Variants in MYZAP observed in about 807,000 individuals in gnomAD.
The protein encoded by MYZAP is myocardial zonula adherens protein.
Under a neutral mutation model 69.4 loss-of-function variants are expected in MYZAP, and 66 were observed. That is an observed-to-expected ratio of 0.95 (90% CI 0.78 to 1.17). The LOEUF (loss-of-function observed/expected upper bound fraction) is 1.17. Among genes scored for constraint, MYZAP ranks in the 50% most tolerant of loss-of-function variants. The pLI, the probability that MYZAP is intolerant of heterozygous loss-of-function variation, is 0.00. For missense variants in MYZAP, 611 were observed against 556.2 expected (o/e 1.10, Z -0.99); for synonymous variants, 256 against 205.9 (o/e 1.24, Z -2.09).
chr15:57,676,023 A>G (rs1325538716), intron 12 of MYZAP, among the ~76,000 whole-genome samples: 2 of 152,048 alleles, frequency 1.3e-5, no homozygotes, highest in African/African-American at 2.4e-5. Context: ...GGAAGTAGTG[A>G]CGAGCCGATC....
At chr15:57,613,848 C>A (rs978284683) in intron 2 of MYZAP, among the ~76,000 whole-genome samples, 22 of 152,192 alleles carry the variant, frequency 1.4e-4, no homozygotes, top group Non-Finnish European at 2.1e-4. Flanking sequence ...TGTATCTCAG[C>A]ATGTTTCTCT....
At chr15:57,627,338 G>A (rs910970989) in intron 5 of MYZAP, among the ~76,000 whole-genome samples, 2 of 131,898 alleles carry the variant, frequency 1.5e-5, no homozygotes, top group East Asian at 2.4e-4. Flanking sequence ...AGCTAAAACC[G>A]CTGAGAGAAA....
chr15:57,643,739 T>G (rs1567224583), intron 10 of MYZAP, among the ~76,000 whole-genome samples: 1 of 147,402 alleles, frequency 6.8e-6, no homozygotes, highest in Non-Finnish European at 1.5e-5. Context: ...GGTTTTTTTT[T>G]TGTTTTTTTT....
intron 11 of MYZAP, among the ~76,000 whole-genome samples, chr15:57,672,554 A>G (rs1290705251): frequency 6.6e-6 from 1 of 152,230 alleles, no homozygotes; most frequent in Non-Finnish European, 1.5e-5. Context: ...CTTTAGCTGA[A>G]TAATTGCAGT....
At chr15:57,646,680 G>A (rs1337408886) in intron 10 of MYZAP, 4 of 989,360 alleles carry the variant, frequency 4.0e-6, no homozygotes, top group South Asian at 9.3e-5. Context: ...GTATCCATGT[G>A]GTTTGGTTCT....
chr15:57,676,356 G>T (rs2039112123), intron 12 of MYZAP, among the ~76,000 whole-genome samples: 1 of 148,358 alleles, frequency 6.7e-6, no homozygotes, highest in African/African-American at 2.5e-5. Flanking sequence ...CTAGTAAAAA[G>T]GCATTTTTTA....
chr15:57,666,085 A>C (rs1210994851), intron 11 of MYZAP, among the ~76,000 whole-genome samples: 1 of 152,192 alleles, frequency 6.6e-6, no homozygotes, highest in Non-Finnish European at 1.5e-5. Flanking sequence ...GACAAATGTT[A>C]ATTCTTTCTT....
intron 11 of MYZAP, among the ~76,000 whole-genome samples, chr15:57,662,159 G>C (rs2038343459): frequency 6.6e-6 from 1 of 152,182 alleles, no homozygotes; most frequent in Non-Finnish European, 1.5e-5. Flanking sequence ...ATATGTTCCA[G>C]AGAAGAATAT....
intron 12 of MYZAP, among the ~76,000 whole-genome samples, chr15:57,683,763 A>G (rs934348718): frequency 6.6e-6 from 1 of 151,856 alleles, no homozygotes; most frequent in African/African-American, 2.4e-5. Flanking sequence ...GTCCTCACAT[A>G]GCAGAAGGGA....
In MYZAP at chr15:57,684,449, C is replaced by T. The variant is rs750060370; in HGVS notation, c.1352C>T (p.Thr451Ile). ...REIVMPSRNYTPYTRVLELTM... is the reference protein window; with the variant it reads ...REIVMPSRNYIPYTRVLELTM... ...ATTGTGATGCCTTCTAGGAACTACACCCCATACACAAGAGTCCTGGAGTTA... is the reference window on the plus strand; with the variant it reads ...ATTGTGATGCCTTCTAGGAACTACATCCCATACACAAGAGTCCTGGAGTTA... Residue 451 changes from threonine (T) to isoleucine (I), a missense_variant, in exon 13 of 13, where the codon ACC becomes ATC. Physicochemically the swap from Thr to Ile is moderately conservative, Grantham distance 89 (BLOSUM62 -1). Coordinates refer to ENST00000267853, the MANE Select transcript of MYZAP (RefSeq NM_001018100.5). The T allele has an allele frequency of 6.2e-7, 1 of 1,613,528 alleles. No individual in the cohort carries two copies. The highest frequency in any genetic ancestry group is 1.7e-5 in the Admixed American group (1 of 59,954).
chr15:57,632,853 G>A (rs1425950), intron 7 of MYZAP, among the ~76,000 whole-genome samples: 3,369 of 152,186 alleles, frequency 0.022, 141 homozygotes, highest in African/African-American at 0.077. Flanking sequence ...CTTGCCCGCA[G>A]CTGTGCCCTC....
rs139826379 is a variant in MYZAP at position 57,670,734 on chromosome 15, A to G, written c.1204-4234A>G. ...TCAATTTTTTAAAAATACCATTTTA[A>G]GTTATCCATTGGCATTTTTGCTGTG... On this transcript the variant is annotated intron_variant, in intron 11 of 12. Transcript: ENST00000267853. 5.5e-4 allele frequency among the ~76,000 whole-genome samples: 84 copies of G among 151,852 alleles called. 2 individuals carry two copies. In the East Asian group the frequency reaches 0.016, roughly 28 times the overall value.
At chr15:57,652,154 A>G (rs1342527107) in intron 10 of MYZAP, among the ~76,000 whole-genome samples, 1 of 152,160 alleles carries the variant, frequency 6.6e-6, no homozygotes, top group Non-Finnish European at 1.5e-5. Context: ...AAGATGAAAA[A>G]TGTACCTTTT....
intron 3 of MYZAP, among the ~76,000 whole-genome samples, chr15:57,620,277 A>G (rs1389766453): frequency 6.6e-6 from 1 of 152,168 alleles, no homozygotes; most frequent in Non-Finnish European, 1.5e-5. Context: ...AACCCCTAAT[A>G]AACATGCTGT....
intron 2 of MYZAP, among the ~76,000 whole-genome samples, chr15:57,613,016 C>T (rs1249155850): frequency 2.6e-5 from 4 of 152,138 alleles, no homozygotes; most frequent in Non-Finnish European, 5.9e-5. Context: ...ACTGCAAGCT[C>T]CACCTCCCGG....
At chr15:57,617,245 G>A (rs559243941) in intron 2 of MYZAP, among the ~76,000 whole-genome samples, 2 of 152,284 alleles carry the variant, frequency 1.3e-5, no homozygotes, top group East Asian at 3.9e-4. Flanking sequence ...CTGTGTCATA[G>A]AGTGGTTGTG....
intron 6 of MYZAP, among the ~76,000 whole-genome samples, chr15:57,630,801 A>C (rs1327591384): frequency 6.6e-6 from 1 of 152,228 alleles, no homozygotes; most frequent in East Asian, 1.9e-4. Context: ...TTTGCTCAGC[A>C]CAGACTTAGG....
chr15:57,612,846 G>A (rs117940340), intron 2 of MYZAP, among the ~76,000 whole-genome samples: 31 of 152,284 alleles, frequency 2.0e-4, no homozygotes, highest in East Asian at 1.3e-3. Context: ...GAGATTCTGC[G>A]TATGTGTTGG....
At position 57,629,971 on chromosome 15, in the gene MYZAP, A is replaced by ATT. The variant is rs59322468; in HGVS notation, c.678+131_678+132dup. 5.8e-3 allele frequency: 5,012 copies of ATT among 871,630 alleles called. 10 individuals carry two copies. The highest frequency in any genetic ancestry group is 0.011 in the Admixed American group (276 of 24,870). 54.0% of individuals were successfully genotyped at this position (871,630 alleles called of 1,614,324 possible). A position where few individuals can be genotyped will look rare whatever the true frequency, so the allele number is the denominator to read the frequency against. ...TTTTCTCCATTCTCTTCTTCATTGG[A>ATT]TTTTTTTTTTTTTTTGAGACAGAGT... On this transcript the variant is annotated intron_variant, in intron 6 of 12. Transcript: ENST00000267853.
Sources: gnomAD v4.1 joint callset for allele counts (sites outside exome capture counted in the v4.1 genomes callset) on GRCh38, gnomAD v4.1.1 for gene constraint, MANE v1.5 for transcripts, NCBI Gene and HGNC (gene_info 2026-07-23, HGNC 2026-07-21) for gene names.